Variants in GOLPH3 observed in about 807,000 individuals in gnomAD.
GOLPH3 encodes the protein golgi phosphoprotein 3.
GOLPH3 carries 14 observed loss-of-function variants against 28.5 expected under a neutral mutation model. The observed-to-expected ratio is 0.49, with a 90% CI of 0.32 to 0.77. GOLPH3 has a LOEUF of 0.77. Among genes scored for constraint, GOLPH3 ranks in the 30% least tolerant of loss-of-function variants. The probability of loss-of-function intolerance (pLI) is 0.03; values close to 1 mark genes in which losing one functional copy is unlikely to be tolerated. For missense variants in GOLPH3, 350 were observed against 393.7 expected, an observed-to-expected ratio of 0.89 and a Z score of 0.94; for synonymous variants, 158 against 159.2, an observed-to-expected ratio of 0.99 and a Z score of 0.06.
At chr5:32,149,548 T>C (rs190826577) in intron 1 of GOLPH3, among the ~76,000 whole-genome samples, 32 of 152,302 alleles carry the variant, frequency 2.1e-4, no homozygotes, top group African/African-American at 7.5e-4. Context: ...TAAAGTCACT[T>C]CTGAAATCTT....
chr5:32,155,956 C>A (rs1250283390), intron 1 of GOLPH3, among the ~76,000 whole-genome samples: 6 of 47,770 alleles, frequency 1.3e-4, no homozygotes, highest in African/African-American at 2.8e-4. Flanking sequence ...AACACTGTCT[C>A]AAAAAAAAAA....
chr5:32,154,895 C>A (rs562621296), intron 1 of GOLPH3, among the ~76,000 whole-genome samples: 12 of 152,182 alleles, frequency 7.9e-5, no homozygotes, highest in African/African-American at 2.9e-4. Flanking sequence ...CCAGCCTGGC[C>A]AACAGGGTGA....
intron 3 of GOLPH3, among the ~76,000 whole-genome samples, chr5:32,134,087 T>C (rs1453528124): frequency 6.6e-6 from 1 of 152,176 alleles, no homozygotes; most frequent in Admixed American, 6.6e-5. Flanking sequence ...CAAATAAATA[T>C]AGACTGAGCA....
intron 1 of GOLPH3, among the ~76,000 whole-genome samples, chr5:32,144,934 C>G (rs1270684841): frequency 1.3e-5 from 2 of 152,200 alleles, no homozygotes; most frequent in African/African-American, 4.8e-5. Context: ...CATGAGACAG[C>G]AGAAGCTATA....
intron 1 of GOLPH3, among the ~76,000 whole-genome samples, chr5:32,160,360 G>A (rs1581554636): frequency 6.6e-6 from 1 of 152,162 alleles, no homozygotes; most frequent in Non-Finnish European, 1.5e-5. Context: ...TTACAGGCAT[G>A]AGCCATCATA....
chr5:32,160,789 C>G (rs1166164470), intron 1 of GOLPH3, among the ~76,000 whole-genome samples: 2 of 152,288 alleles, frequency 1.3e-5, no homozygotes, highest in Admixed American at 6.5e-5. Context: ...AATCATGGGC[C>G]AGGCGCGGTG....
intron 3 of GOLPH3, among the ~76,000 whole-genome samples, chr5:32,127,991 G>C (rs545575323): frequency 6.6e-6 from 1 of 151,930 alleles, no homozygotes; most frequent in Non-Finnish European, 1.5e-5. Flanking sequence ...GTCCCATCAC[G>C]TTAAGGCAGC....
rs201330270 is a variant in GOLPH3, at chr5:32,126,406, G to A, written c.703C>T (p.Arg235Cys). 10 of 1,614,142 alleles carry A rather than the reference G, an allele frequency of 6.2e-6. No individual in the cohort carries two copies. In the East Asian group the frequency reaches 8.9e-5, roughly 14 times the overall value. ...WVNDPHRMDR[R>C]LLALIYLAHA... ...GCCAGGTAAATGAGGGCCAGCAAGC[G>A]CCTGTCCATGCGGTGAGGGTCATTC... Residue 235 changes from arginine (R) to cysteine (C), a missense_variant, in exon 4 of 4, where the codon CGC becomes TGC. Coordinates refer to ENST00000265070, the MANE Select transcript of GOLPH3 (RefSeq NM_022130.4).
intron 3 of GOLPH3, among the ~76,000 whole-genome samples, chr5:32,132,826 T>G (rs1745850325): frequency 6.6e-6 from 1 of 152,220 alleles, no homozygotes; most frequent in Non-Finnish European, 1.5e-5. Context: ...TTCAATTAGG[T>G]GGGAAATAGA....
intron 3 of GOLPH3, among the ~76,000 whole-genome samples, chr5:32,135,314 G>A (rs1745909278): frequency 6.6e-6 from 1 of 152,188 alleles, no homozygotes; most frequent in Non-Finnish European, 1.5e-5. Flanking sequence ...CCAGATTAAG[G>A]TAGCATGTGG....
intron 2 of GOLPH3, among the ~76,000 whole-genome samples, 166 bp downstream of exon 2, chr5:32,143,583 T>C (rs1746130361): frequency 6.6e-6 from 1 of 152,160 alleles, no homozygotes; most frequent in Non-Finnish European, 1.5e-5. Context: ...TCATTGTAGG[T>C]GAAAGAACCA....
At chr5:32,172,567 C>A (rs898469381) in intron 1 of GOLPH3, among the ~76,000 whole-genome samples, 2 of 151,966 alleles carry the variant, frequency 1.3e-5, no homozygotes, top group African/African-American at 4.8e-5. Flanking sequence ...TGGCGGCGCA[C>A]GTCTGTAGTC....
intron 3 of GOLPH3, among the ~76,000 whole-genome samples, chr5:32,129,650 T>C (rs142080614): frequency 5.9e-5 from 9 of 152,294 alleles, no homozygotes; most frequent in African/African-American, 2.2e-4. Context: ...TTTAATGTTA[T>C]GGGGTATTTC....
At chr5:32,133,064 A>C (rs1352866961) in intron 3 of GOLPH3, among the ~76,000 whole-genome samples, 1 of 152,206 alleles carries the variant, frequency 6.6e-6, no homozygotes, top group Non-Finnish European at 1.5e-5. Context: ...TTTTTTAAAA[A>C]ACCTTGCTAA....
At chr5:32,143,193 G>A (rs997998106) in intron 2 of GOLPH3, among the ~76,000 whole-genome samples, 12 of 152,132 alleles carry the variant, frequency 7.9e-5, no homozygotes, top group African/African-American at 2.9e-4. Context: ...TATCCACTCA[G>A]GGTTGAATGG....
intron 2 of GOLPH3, among the ~76,000 whole-genome samples, chr5:32,140,276 C>T (rs1209230448): frequency 6.6e-6 from 1 of 151,552 alleles, no homozygotes; most frequent in African/African-American, 2.4e-5. Flanking sequence ...GGACAAGGCA[C>T]GAGGATCACT....
At chr5:32,159,716 T>C (rs1746533565) in intron 1 of GOLPH3, among the ~76,000 whole-genome samples, 2 of 152,246 alleles carry the variant, frequency 1.3e-5, no homozygotes, top group Admixed American at 6.5e-5. Flanking sequence ...ACATTTCAGT[T>C]TGCAAAGCCA....
intron 2 of GOLPH3, among the ~76,000 whole-genome samples, chr5:32,142,502 G>A (rs1461561295): frequency 1.4e-5 from 2 of 145,808 alleles, no homozygotes; most frequent in East Asian, 2.1e-4. Context: ...CCAGCCAGCC[G>A]CCCCGTCCGG....
At chr5:32,160,495 AAAT>A (rs1354759766) in intron 1 of GOLPH3, among the ~76,000 whole-genome samples, 17 of 152,254 alleles carry the variant, frequency 1.1e-4, no homozygotes, top group African/African-American at 3.9e-4. Context: ...GAAAAGGAAG[AAAT>A]AATAATTACA....
Sources: allele counts gnomAD v4.1 joint callset (sites outside exome capture counted in the v4.1 genomes callset), GRCh38; gene constraint gnomAD v4.1.1; transcripts MANE v1.5; gene names NCBI Gene and HGNC (gene_info 2026-07-23, HGNC 2026-07-21).